Variants in NOSTRIN observed in about 807,000 individuals in gnomAD.
NOSTRIN encodes BM247 homolog.
NOSTRIN carries 63 observed loss-of-function variants against 59.0 expected under a neutral mutation model. That is an observed-to-expected ratio of 1.07 (90% CI 0.87 to 1.32). The LOEUF is 1.32. Ranked by LOEUF, NOSTRIN falls within the 40% of genes most tolerant of loss-of-function variation. NOSTRIN has a pLI of 0.00. For missense variants in NOSTRIN, 512 were observed against 473.1 expected, an observed-to-expected ratio of 1.08 and a Z score of -0.76; for synonymous variants, 200 against 165.4, an observed-to-expected ratio of 1.21 and a Z score of -1.61.
intron 12 of NOSTRIN, chr2:168,859,003 T>G (rs1225195584): frequency 1.3e-5 from 2 of 152,524 alleles, no homozygotes; most frequent in African/African-American, 4.8e-5. Flanking sequence ...AAAATATTGT[T>G]CCCAGTTTCC....
At chr2:168,840,953 G>A (rs1428423013) in intron 7 of NOSTRIN, among the ~76,000 whole-genome samples, 2 of 152,146 alleles carry the variant, frequency 1.3e-5, no homozygotes, top group Non-Finnish European at 2.9e-5. Flanking sequence ...TTTCTAAATA[G>A]AGTAAAGTTG....
intron 2 of NOSTRIN, among the ~76,000 whole-genome samples, chr2:168,814,433 G>A (rs146534884): frequency 1.2e-4 from 19 of 152,292 alleles, no homozygotes; most frequent in Middle Eastern, 3.4e-3. Flanking sequence ...CTAGAAATGC[G>A]CCTTGCCCTT....
At chr2:168,832,157 T>A (rs1236366496) in intron 6 of NOSTRIN, among the ~76,000 whole-genome samples, 18 of 152,188 alleles carry the variant, frequency 1.2e-4, no homozygotes, top group Non-Finnish European at 2.6e-4. Flanking sequence ...CACAACACTA[T>A]TCTAAGACAT....
At chr2:168,859,278 G>T (rs1349615922) in intron 12 of NOSTRIN, 2 of 424,224 alleles carry the variant, frequency 4.7e-6, no homozygotes, top group African/African-American at 2.1e-5. Context: ...AAGGTTTCCT[G>T]TTCACCCCCA....
intron 8 of NOSTRIN, among the ~76,000 whole-genome samples, chr2:168,847,564 C>T (rs1688505541): frequency 6.6e-6 from 1 of 152,190 alleles, no homozygotes; most frequent in African/African-American, 2.4e-5. Context: ...CCTGTAGTAC[C>T]AGCCCAAAGG....
Position 168,862,367 on chromosome 2 carries a change from T to C in NOSTRIN, c.1384+318T>C, listed in dbSNP as rs557208315. Among the ~76,000 whole-genome samples the C allele has an allele frequency of 7.7e-4, 117 of 152,096 alleles. 4 individuals carry two copies. The South Asian group carries it at 0.024, about 31-fold the overall frequency. On this transcript the variant is annotated intron_variant, in intron 15 of 15. Coordinates refer to ENST00000317647, the MANE Select transcript of NOSTRIN (RefSeq NM_001039724.4). ...CAGGAAGGTTAGGTGCTTTGGCTAA[T>C]GTCACAGGCTGTGGCAACACAAGAT...
intron 7 of NOSTRIN, among the ~76,000 whole-genome samples, chr2:168,837,288 C>T (rs956648813): frequency 3.4e-5 from 4 of 118,290 alleles, no homozygotes; most frequent in South Asian, 2.9e-4. Context: ...TTATAATACA[C>T]TTTTTTAACA....
intron 8 of NOSTRIN, among the ~76,000 whole-genome samples, chr2:168,849,670 C>CAAACAAAA (rs1688636716): frequency 8.4e-6 from 1 of 118,714 alleles, no homozygotes; most frequent in African/African-American, 3.3e-5. Flanking sequence ...CTTGTTTTTA[C>CAAACAAAA]AAAAAAAAAA....
At chr2:168,798,180 C>T (rs1244818947), upstream of NOSTRIN, 1 of 151,974 alleles carries the variant, frequency 6.6e-6, no homozygotes, top group African/African-American at 2.4e-5. Flanking sequence ...ATATGGAGAG[C>T]CAATTGTATT....
chr2:168,787,004 C>G (rs1237963203), intron 1 of NOSTRIN: 1 of 152,234 alleles, frequency 6.6e-6, no homozygotes, highest in South Asian at 2.1e-4. Context: ...TCTGGGATTA[C>G]AGGCGTGAGC....
At chr2:168,864,695 T>C in intron 15 of NOSTRIN, 139 bp from the exon 16 acceptor site, 2 of 844,252 alleles carry the variant, frequency 2.4e-6, no homozygotes, top group Non-Finnish European at 1.9e-6. Flanking sequence ...TCGATACATT[T>C]GGCTTCATCT....
intron 2 of NOSTRIN, among the ~76,000 whole-genome samples, chr2:168,813,378 TA>T (rs1686246355): frequency 6.6e-6 from 1 of 152,200 alleles, no homozygotes; most frequent in Admixed American, 6.5e-5. Flanking sequence ...TGCCTGCTGC[TA>T]AACAGACTCA....
chr2:168,834,514 C>CACACGCGCACAA (rs1687596444), intron 7 of NOSTRIN, among the ~76,000 whole-genome samples, 189 bp downstream of exon 7: 1 of 141,086 alleles, frequency 7.1e-6, no homozygotes. Flanking sequence ...CGCGCACACA[C>CACACGCGCACAA]ACACACACAC....
chr2:168,864,455 T>C (rs750488244), intron 15 of NOSTRIN, among the ~76,000 whole-genome samples: 32 of 151,802 alleles, frequency 2.1e-4, no homozygotes, highest in Non-Finnish European at 4.0e-4. Flanking sequence ...CCAGCTAATT[T>C]TTGTATTTTT....
At chr2:168,836,836 C>T (rs1687748573) in intron 7 of NOSTRIN, among the ~76,000 whole-genome samples, 2 of 152,176 alleles carry the variant, frequency 1.3e-5, no homozygotes, top group African/African-American at 4.8e-5. Context: ...CCCATATTTC[C>T]CATATCTTGG....
At chr2:168,797,435 A>G (rs1265754382), upstream of NOSTRIN, among the ~76,000 whole-genome samples, 1 of 152,094 alleles carries the variant, frequency 6.6e-6, no homozygotes, top group Admixed American at 6.6e-5. Flanking sequence ...AAACAAAGTA[A>G]AAGAGGTGTG....
chr2:168,838,606 A>G (rs62175724), intron 7 of NOSTRIN, among the ~76,000 whole-genome samples: 5,741 of 151,902 alleles, frequency 0.038, 152 homozygotes, highest in Middle Eastern at 0.11. Flanking sequence ...TCAGGCCGCA[A>G]TCATCTTTTG....
chr2:168,834,952 A>T lies in NOSTRIN; in HGVS notation c.504+627A>T, dbSNP rs534928332. Among the ~76,000 whole-genome samples, 44 of 152,350 alleles carry T rather than the reference A, an allele frequency of 2.9e-4. 1 individual carries two copies. In the South Asian group the frequency reaches 8.3e-3, roughly 29 times the overall value. Reference sequence around the variant, plus strand: ...TAAAGATGAAATAATATTTTAAATGATTAGCAAACCATGATGTCTTTAGAT... The same window carrying T: ...TAAAGATGAAATAATATTTTAAATGTTTAGCAAACCATGATGTCTTTAGAT... On this transcript the variant is annotated intron_variant, in intron 7 of 15. Coordinates refer to ENST00000317647, the MANE Select transcript of NOSTRIN (RefSeq NM_001039724.4).
At chr2:168,834,517 A>ACGCGCGCG (rs1469301503) in intron 7 of NOSTRIN, among the ~76,000 whole-genome samples, 192 bp downstream of exon 7, 1 of 129,080 alleles carries the variant, frequency 7.7e-6, no homozygotes, top group Non-Finnish European at 1.7e-5. Flanking sequence ...GCACACACAC[A>ACGCGCGCG]CACACACACA....
Sources: allele counts gnomAD v4.1 joint callset (sites outside exome capture counted in the v4.1 genomes callset), GRCh38; gene constraint gnomAD v4.1.1; transcripts MANE v1.5; gene names NCBI Gene and HGNC (gene_info 2026-07-23, HGNC 2026-07-21).